The following ADAMTS3 variants were observed in gnomAD, a reference collection of about 807,000 sequenced individuals.
ADAMTS3 encodes ADAM metallopeptidase with thrombospondin type 1 motif 3.
ADAMTS3 carries 73 observed loss-of-function variants against 129.0 expected under a neutral mutation model. That is an observed-to-expected ratio of 0.57 (90% CI 0.47 to 0.69). The LOEUF (loss-of-function observed/expected upper bound fraction) is 0.69, where lower values mean the gene tolerates loss of function less well. Among genes scored for constraint, ADAMTS3 ranks in the 30% least tolerant of loss-of-function variants. The pLI is 0.00. For missense variants in ADAMTS3, 1,457 were observed against 1,514.5 expected, an observed-to-expected ratio of 0.96 and a Z score of 0.63; for synonymous variants, 477 against 510.8, an observed-to-expected ratio of 0.93 and a Z score of 0.89.
intron 3 of ADAMTS3, chr4:72,441,968 C>T (rs117308965): frequency 1.3e-5 from 2 of 151,940 alleles, no homozygotes; most frequent in East Asian, 3.9e-4. Context: ...GCTGCAACTC[C>T]AGCCATCATG....
chr4:72,294,634 A>G (rs937207460), intron 19 of ADAMTS3, among the ~76,000 whole-genome samples: 2 of 152,060 alleles, frequency 1.3e-5, no homozygotes, highest in Non-Finnish European at 1.5e-5. Context: ...AAAAATGAGC[A>G]CCAAGTCAAT....
At chr4:72,347,019 G>A (rs959452603) in intron 4 of ADAMTS3, among the ~76,000 whole-genome samples, 1 of 152,056 alleles carries the variant, frequency 6.6e-6, no homozygotes, top group Non-Finnish European at 1.5e-5. Context: ...TTTTAATTTG[G>A]AGCTACTAGG....
intron 3 of ADAMTS3, among the ~76,000 whole-genome samples, chr4:72,472,134 G>A (rs1258573867): frequency 6.6e-6 from 1 of 152,120 alleles, no homozygotes; most frequent in East Asian, 1.9e-4. Context: ...GACAGGGCTT[G>A]ACAATATAAA....
At chr4:72,442,694 C>T (rs1718150891) in intron 3 of ADAMTS3, among the ~76,000 whole-genome samples, 1 of 151,786 alleles carries the variant, frequency 6.6e-6, no homozygotes, top group African/African-American at 2.4e-5. Flanking sequence ...ATAAGGAACA[C>T]CTGAGAGAGA....
At chr4:72,542,455 C>T (rs1174802051) in intron 3 of ADAMTS3, among the ~76,000 whole-genome samples, 4 of 152,168 alleles carry the variant, frequency 2.6e-5, no homozygotes, top group African/African-American at 7.2e-5. Flanking sequence ...TGAGCCACTG[C>T]GCCCGGCCCC....
At chr4:72,565,475 A>G (rs867784983) in intron 2 of ADAMTS3, among the ~76,000 whole-genome samples, 3 of 152,206 alleles carry the variant, frequency 2.0e-5, no homozygotes, top group African/African-American at 4.8e-5. Context: ...ATCACTGTAC[A>G]TAAGATTTTC....
chr4:72,567,255 T>C (rs1560570635), intron 2 of ADAMTS3, 119 bp downstream of exon 2: 2 of 1,004,256 alleles, frequency 2.0e-6, no homozygotes. Context: ...GTTTCCGGAC[T>C]ACAGATTATT....
At chr4:72,472,124 G>C (rs1719088734) in intron 3 of ADAMTS3, among the ~76,000 whole-genome samples, 2 of 152,072 alleles carry the variant, frequency 1.3e-5, no homozygotes, top group South Asian at 4.1e-4. Context: ...GGAAAAATGA[G>C]ACAGGGCTTG....
At position 72,321,418 on chromosome 4, in the gene ADAMTS3, A is replaced by C. The variant is rs544956770; in HGVS notation, c.946-548T>G. ...GGCTGGTCACAAACTCCTGACCTCA[A>C]ATGATCTTCCTGCCTCAGCCTCCCA... On this transcript the variant is annotated intron_variant, in intron 6 of 21. Transcript: ENST00000286657. Among the ~76,000 whole-genome samples the C allele has an allele frequency of 4.0e-4, 61 of 152,028 alleles. 1 individual carries two copies. The South Asian group carries it at 0.013, about 32-fold the overall frequency.
intron 3 of ADAMTS3, among the ~76,000 whole-genome samples, chr4:72,429,875 C>T (rs537631689): frequency 6.6e-6 from 1 of 152,032 alleles, no homozygotes; most frequent in East Asian, 2.0e-4. Context: ...ATCTCCTGGA[C>T]AGTGTTTTTC....
At chr4:72,395,505 A>T (rs1308929213) in intron 4 of ADAMTS3, among the ~76,000 whole-genome samples, 2 of 152,210 alleles carry the variant, frequency 1.3e-5, no homozygotes, top group East Asian at 3.8e-4. Flanking sequence ...AAACTATGGA[A>T]GTACCAGGCA....
Position 72,339,610 on chromosome 4 carries a change from T to C in ADAMTS3, c.745A>G (p.Arg249Gly). The change falls in exon 5 of 22, where the codon AGA becomes GGA. Residue 249 changes from arginine (R) to glycine (G), a missense_variant. Physicochemically the swap from Arg to Gly is moderately radical, Grantham distance 125 (BLOSUM62 -2). Coordinates refer to ENST00000286657, the MANE Select transcript of ADAMTS3 (RefSeq NM_014243.3). ...QQLNETMRRR[R>G]HAGENDYNIE... ...TTGTAATCGTTTTCTCCCGCGTGTC[T>C]GCGGCGTCTCATTGTTTCATTCAGC... The C allele has an allele frequency of 6.2e-7, 1 of 1,613,992 alleles. No individual in the cohort carries two copies. Among genetic ancestry groups the C allele is most frequent in the Non-Finnish European group, 8.5e-7 (1 of 1,179,908 alleles).
At position 72,428,723 on chromosome 4, in the gene ADAMTS3, C is replaced by T. The variant is rs562245000; in HGVS notation, c.505-13752G>A. 7.9e-5 allele frequency among the ~76,000 whole-genome samples: 12 copies of T among 152,066 alleles called. No homozygotes were observed. In the South Asian group the frequency reaches 2.1e-3, roughly 26 times the overall value. The stretch of plus-strand genomic sequence containing the variant: ...TTACTTGTGAAAAGTCATTTAAACT[C>T]TCTGGAGCTCAGTTTCATAATCTAA... On this transcript the variant is annotated intron_variant, in intron 3 of 21. Coordinates refer to ENST00000286657, the MANE Select transcript of ADAMTS3 (RefSeq NM_014243.3).
chr4:72,411,475 C>G (rs1722183254), intron 4 of ADAMTS3, among the ~76,000 whole-genome samples: 1 of 151,966 alleles, frequency 6.6e-6, no homozygotes. Context: ...CAGTGTATAC[C>G]TTCAGATTCT....
chr4:72,457,960 A>C (rs1718668267), intron 3 of ADAMTS3, among the ~76,000 whole-genome samples: 1 of 151,376 alleles, frequency 6.6e-6, no homozygotes, highest in Admixed American at 6.6e-5. Context: ...AAGTGAAAAC[A>C]GTTTGGGAGA....
intron 4 of ADAMTS3, among the ~76,000 whole-genome samples, chr4:72,370,316 T>C (rs1319466202): frequency 6.6e-6 from 1 of 152,160 alleles, no homozygotes; most frequent in Non-Finnish European, 1.5e-5. Context: ...AGTGTAAATA[T>C]ATATATCTCT....
At chr4:72,307,032 C>A (rs1160408267) in intron 15 of ADAMTS3, among the ~76,000 whole-genome samples, 2 of 151,770 alleles carry the variant, frequency 1.3e-5, no homozygotes, top group African/African-American at 4.8e-5. Context: ...ATTATGTAAC[C>A]TACACCTTCA....
At chr4:72,322,394 TC>T (rs930277404) in intron 6 of ADAMTS3, among the ~76,000 whole-genome samples, 3 of 152,206 alleles carry the variant, frequency 2.0e-5, no homozygotes, top group Non-Finnish European at 4.4e-5. Flanking sequence ...GTATGTTTCC[TC>T]CTTAAAGGAG....
chr4:72,320,995 T>G (rs1719539363), intron 6 of ADAMTS3, 125 bp from the exon 7 acceptor site: 2 of 948,514 alleles, frequency 2.1e-6, no homozygotes, highest in Admixed American at 3.1e-5. Flanking sequence ...ATTTGGGGCT[T>G]ATTCTGATAT....
Sources: gnomAD v4.1 joint callset for allele counts (sites outside exome capture counted in the v4.1 genomes callset) on GRCh38, gnomAD v4.1.1 for gene constraint, MANE v1.5 for transcripts, NCBI Gene and HGNC (gene_info 2026-07-23, HGNC 2026-07-21) for gene names.